The following AARS2 variants were observed in gnomAD, a reference collection of about 807,000 sequenced individuals.
AARS2 encodes alanine--tRNA ligase, mitochondrial.
A neutral mutation model predicts 119.7 loss-of-function variants in AARS2; 78 were observed. The ratio of observed to expected loss-of-function variants is 0.65; its 90% CI spans 0.54 to 0.79. AARS2 has a LOEUF of 0.79. AARS2 is among the 30% of genes least tolerant of loss of function. The probability of loss-of-function intolerance (pLI) is 0.00; values close to 1 mark genes in which losing one functional copy is unlikely to be tolerated. For synonymous variants in AARS2, 502 were observed against 526.3 expected (o/e 0.95, Z 0.63); for missense variants, 1,157 against 1,291.3 (o/e 0.90, Z 1.59).
intron 7 of AARS2, 79 bp from the exon 8 acceptor site, chr6:44,306,611 G>A: frequency 6.6e-7 from 1 of 1,522,048 alleles, no homozygotes; most frequent in East Asian, 2.3e-5. Context: ...GCCTCCCTGA[G>A]GACACCTGCC....
chr6:44,302,763 C>T (rs1333948124), intron 17 of AARS2, 39 bp downstream of exon 17: 1 of 1,584,266 alleles, frequency 6.3e-7, no homozygotes, highest in Non-Finnish European at 8.6e-7. Context: ...CCCATGCACC[C>T]ACTCAACCCA....
At position 44,307,693 on chromosome 6, in the gene AARS2, G is replaced by C. The variant is rs1785983879; in HGVS notation, c.895-299C>G. On this transcript the variant is annotated intron_variant, in intron 5 of 21. Coordinates refer to ENST00000244571, the MANE Select transcript of AARS2 (RefSeq NM_020745.4). The surrounding 1 kb of genome is among the most constrained non-coding windows in gnomAD (Gnocchi z 4.4). ...GAATCCCCAAAACAGCCCATTCCAG[G>C]AGGTATTAGCATGCTTGCTTTAAAG... 1 of 489,638 alleles carries C rather than the reference G, an allele frequency of 2.0e-6. No individual in the cohort carries two copies. Among genetic ancestry groups the C allele is most frequent in the African/African-American group, 1.9e-5 (1 of 51,756 alleles). The allele number at this position is 489,638 out of a possible 1,614,324, so 30.3% of individuals were successfully genotyped here.
At position 44,305,750 on chromosome 6, in the gene AARS2, A is replaced by T. The variant is rs1785787693; in HGVS notation, c.1337T>A (p.Leu446Gln). ...CTCTACCATGTCCAAGGGGAGTCCC[A>T]GGTCTCCACACAGTGACAAGGACCA... ...VAWSLSLCGD[L>Q]GLPLDMVELM... The change falls in exon 10 of 22, where the codon CTG (leucine) becomes CAG (glutamine). Residue 446 changes from leucine (L) to glutamine (Q), a missense_variant. Coordinates refer to ENST00000244571, the MANE Select transcript of AARS2 (RefSeq NM_020745.4). The surrounding 1 kb of genome is among the most constrained non-coding windows in gnomAD (Gnocchi z 4.6). 1 of 1,614,000 alleles carries T rather than the reference A, an allele frequency of 6.2e-7. No individual in the cohort carries two copies. The highest frequency in any genetic ancestry group is 1.7e-5 in the Admixed American group (1 of 60,004).
Position 44,305,908 on chromosome 6 carries a change from C to CAGTATGGAGCGGGTATTT in AARS2, c.1301-123_1301-122insAAATACCCGCTCCATACT. ...CCACCAGATGCCAAACACAAATACC[C>CAGTATGGAGCGGGTATTT]GCTCCATACTGGGTAGCCTCAGGAG... On this transcript the variant is annotated intron_variant, in intron 9 of 21. Transcript: ENST00000244571. The surrounding 1 kb of genome is among the most constrained non-coding windows in gnomAD (Gnocchi z 4.6). 8.2e-7 allele frequency: 1 copy of CAGTATGGAGCGGGTATTT among 1,212,130 alleles called. No individual in the cohort carries two copies. Among genetic ancestry groups the CAGTATGGAGCGGGTATTT allele is most frequent in the Non-Finnish European group, 1.2e-6 (1 of 831,712 alleles). The allele number at this position is 1,212,130 out of a possible 1,614,324, so 75.1% of individuals were successfully genotyped here. A position where few individuals can be genotyped will look rare whatever the true frequency, so the allele number is the denominator to read the frequency against.
At chr6:44,304,561 T>C (rs1785666103) in intron 12 of AARS2, 28 bp from the exon 13 acceptor site, 9 of 1,613,926 alleles carry the variant, frequency 5.6e-6, no homozygotes, top group African/African-American at 1.3e-5. Flanking sequence ...TCAAGGTGCC[T>C]GTAGCCTTTC....
chr6:44,307,228 CTG>C lies in AARS2; in HGVS notation c.1040+19_1040+20del. 1 of 1,613,974 alleles carries C rather than the reference CTG, an allele frequency of 6.2e-7. No individual in the cohort carries two copies. Among genetic ancestry groups the C allele is most frequent in the Non-Finnish European group, 8.5e-7 (1 of 1,179,956 alleles). On this transcript the variant is annotated intron_variant, in intron 6 of 21. Transcript: ENST00000244571. The surrounding 1 kb of genome is among the most constrained non-coding windows in gnomAD (Gnocchi z 4.4). ...AGACCCCCAGCAGCCCCTGTCCTCT[CTG>C]TAGCCCTTCCAGACTCACGGGGGAC...
rs534565439 is a variant in AARS2 at position 44,308,440 on chromosome 6, G to A, written c.895-1046C>T. On this transcript the variant is annotated intron_variant, in intron 5 of 21. Coordinates refer to ENST00000244571, the MANE Select transcript of AARS2 (RefSeq NM_020745.4). ...TGTAATCCCAGCTACTCTGGAGGCTGAGGCACGAGAATTGCTTGAGCCCCG... is the reference window on the plus strand; with the variant it reads ...TGTAATCCCAGCTACTCTGGAGGCTAAGGCACGAGAATTGCTTGAGCCCCG... 5.3e-5 allele frequency among the ~76,000 whole-genome samples: 8 copies of A among 151,990 alleles called. No homozygotes were observed. The East Asian group carries it at 9.8e-4, about 19-fold the overall frequency.
At chr6:44,301,053 C>T in intron 21 of AARS2, 103 bp downstream of exon 21, 1 of 1,062,228 alleles carries the variant, frequency 9.4e-7, no homozygotes, top group South Asian at 1.5e-5. Flanking sequence ...GATACTTCCA[C>T]CCAGCCTTGG....
intron 17 of AARS2, 141 bp from the exon 18 acceptor site, chr6:44,302,654 C>T: frequency 6.7e-7 from 1 of 1,495,132 alleles, no homozygotes; most frequent in South Asian, 1.2e-5. Flanking sequence ...AAAACACATG[C>T]CAGCTGCCAA....
intron 19 of AARS2, 85 bp downstream of exon 19, chr6:44,301,975 A>AC (rs878861704): frequency 3.6e-6 from 5 of 1,404,858 alleles, no homozygotes; most frequent in Non-Finnish European, 4.9e-6. Flanking sequence ...CCTCTGACTC[A>AC]CCCCCATGCC....
At position 44,310,346 on chromosome 6, in the gene AARS2, T is replaced by C; in HGVS notation, c.847A>G (p.Thr283Ala). The change falls in exon 5 of 22, where the codon ACC (threonine) becomes GCC (alanine). Residue 283 changes from threonine to alanine, a missense_variant. Transcript: ENST00000244571. ...GGGGAAAAGAGGTCAGTGTCATAGG[T>C]GGAGTGTTTGCCTTGCAGCACAGCC... ...LVAVLQGKHS[T>A]YDTDLFSPLL... is the part of the protein sequence containing the mutation. The C allele has an allele frequency of 6.2e-7, 1 of 1,613,002 alleles. No individual in the cohort carries two copies. Among genetic ancestry groups the C allele is most frequent in the Non-Finnish European group, 8.5e-7 (1 of 1,179,568 alleles).
At chr6:44,304,387 A>G (rs1490016995) in intron 13 of AARS2, 33 bp downstream of exon 13, 54 of 1,614,014 alleles carry the variant, frequency 3.3e-5, no homozygotes, top group Non-Finnish European at 4.5e-5. Context: ...AAGGGGCTGC[A>G]GGGTATTGGG....
In AARS2 at chr6:44,305,630, G is replaced by C; in HGVS notation, c.1434+23C>G. ...GGAAGAGGTGTCCTAACAGAACCCA[G>C]CATGGGGTGCCACAGCTTGTACCTG... On this transcript the variant is annotated intron_variant, in intron 10 of 21. Transcript: ENST00000244571. The surrounding 1 kb of genome is among the most constrained non-coding windows in gnomAD (Gnocchi z 4.6). 1 of 1,613,496 alleles carries C rather than the reference G, an allele frequency of 6.2e-7. No individual in the cohort carries two copies. Among genetic ancestry groups the C allele is most frequent in the Non-Finnish European group, 8.5e-7 (1 of 1,179,954 alleles).
rs895833464 is a variant in AARS2 at position 44,313,319 on chromosome 6, G to A, written c.5C>T (p.Ala2Val). ...CCGGGCTGCAGCTGCCACTGACGCT[G>A]CCATCGTAGCTCCGGGCAGTGACTT... M[A>V]ASVAAAARRL... Residue 2 changes from alanine (A) to valine (V), a missense_variant, in exon 1 of 22, where the codon GCA becomes GTA. By Grantham distance (64) the Ala-to-Val change is moderately conservative (BLOSUM62 0). Transcript: ENST00000244571. The A allele has an allele frequency of 3.1e-6, 5 of 1,601,172 alleles. No individual in the cohort carries two copies. The highest frequency in any genetic ancestry group is 2.2e-5 in the South Asian group (2 of 90,640).
In AARS2 at chr6:44,302,433, C is replaced by T. The variant is rs540249556; in HGVS notation, c.2445G>A (p.Ala815=). Residue 815 remains alanine (A), a synonymous_variant, in exon 18 of 22, where the codon GCG becomes GCA. Coordinates refer to ENST00000244571, the MANE Select transcript of AARS2 (RefSeq NM_020745.4). ...ERLSLGSRDV[A]EALRLSKDIG... ...TGTCCTTGGACAGCCTCAGTGCCTC[C>T]GCCACATCCCGGCTCCCCAGACTCA... 2.0e-5 allele frequency: 33 copies of T among 1,614,130 alleles called. No homozygotes were observed. The East Asian group carries it at 3.3e-4, about 16-fold the overall frequency.
chr6:44,302,960 G>C, intron 16 of AARS2, 50 bp from the exon 17 acceptor site: 1 of 1,604,840 alleles, frequency 6.2e-7, no homozygotes, highest in Non-Finnish European at 8.5e-7. Flanking sequence ...AGTAGAGAAG[G>C]GAGAAGCCAG....
At chr6:44,308,803 T>C (rs1160137748) in intron 5 of AARS2, among the ~76,000 whole-genome samples, 2 of 152,028 alleles carry the variant, frequency 1.3e-5, no homozygotes, top group East Asian at 3.9e-4. Flanking sequence ...GATTTTGCCA[T>C]GTTGGCCAGG....
chr6:44,303,262 A>G, intron 15 of AARS2, 24 bp downstream of exon 15: 1 of 1,614,134 alleles, frequency 6.2e-7, no homozygotes, highest in South Asian at 1.1e-5. Context: ...CCCGATCTCC[A>G]GCAAAAGGGC....
Position 44,311,113 on chromosome 6 carries a change from C to T in AARS2, c.630G>A (p.Trp210Ter), listed in dbSNP as rs767426917. The T allele has an allele frequency of 3.7e-6, 6 of 1,614,112 alleles. No individual in the cohort carries two copies. The highest frequency in any genetic ancestry group is 5.1e-6 in the Non-Finnish European group (6 of 1,180,042). ...CACAAGGGCCAGTATCCCCCATCTC[C>T]CAGAAGTTCTCTTGTGGTCCAAAGG... The part of the protein sequence containing the change: ...VLSFGPQENF[W>*]EMGDTGPCGP... Residue 210 changes from tryptophan to a stop codon, truncating the protein, a stop_gained, in exon 4 of 22, where the codon TGG becomes TGA. Coordinates refer to ENST00000244571, the MANE Select transcript of AARS2 (RefSeq NM_020745.4). LOFTEE classifies it high-confidence loss of function.
Sources: gnomAD v4.1 joint callset for allele counts (sites outside exome capture counted in the v4.1 genomes callset) on GRCh38, gnomAD v4.1.1 for gene constraint, Gnocchi (gnomAD v3.1) non-coding constraint, MANE v1.5 for transcripts, NCBI Gene and HGNC (gene_info 2026-07-23, HGNC 2026-07-21) for gene names.